CDH13: variants seen among roughly 807,000 people sequenced by gnomAD.
CDH13 encodes cadherin 13.
A neutral mutation model predicts 63.8 loss-of-function variants in CDH13; 24 were observed. The ratio of observed to expected loss-of-function variants is 0.38; its 90% CI spans 0.27 to 0.53. The LOEUF is 0.53. Among genes scored for constraint, CDH13 ranks in the 20% least tolerant of loss-of-function variants. CDH13 has a pLI of 0.85. For synonymous variants in CDH13, 503 were observed against 355.3 expected (o/e 1.42, Z -4.67); for missense variants, 1,049 against 903.1 (o/e 1.16, Z -2.07).
At chr16:83,550,807 T>C (rs1263256503) in intron 7 of CDH13, among the ~76,000 whole-genome samples, 1 of 152,168 alleles carries the variant, frequency 6.6e-6, no homozygotes, top group Admixed American at 6.5e-5. Flanking sequence ...CTGCCTTCCT[T>C]AGGCTGTTTT....
chr16:82,838,311 C>T (rs1282687055), intron 1 of CDH13, among the ~76,000 whole-genome samples: 1 of 152,192 alleles, frequency 6.6e-6, no homozygotes, highest in African/African-American at 2.4e-5. Flanking sequence ...GGCAGAAGAA[C>T]ATGCCCGTCC....
chr16:83,521,046 A>T (rs1017798521), intron 7 of CDH13, among the ~76,000 whole-genome samples: 5 of 152,104 alleles, frequency 3.3e-5, no homozygotes, highest in Admixed American at 2.6e-4. Context: ...TCTAATATAT[A>T]CTTCATGTGC....
At chr16:83,094,866 C>T (rs1203463460) in intron 3 of CDH13, among the ~76,000 whole-genome samples, 1 of 152,134 alleles carries the variant, frequency 6.6e-6, no homozygotes, top group Non-Finnish European at 1.5e-5. Flanking sequence ...TAGATACCTA[C>T]TTTTTAAGAT....
intron 6 of CDH13, among the ~76,000 whole-genome samples, chr16:83,457,774 C>T (rs4782796): frequency 0.52 from 79,381 of 151,860 alleles, 21,083 homozygotes; most frequent in East Asian, 0.82. Context: ...TGACCCACTC[C>T]GCATCCAAGA....
Position 83,678,290 on chromosome 16 carries a change from A to C in CDH13, c.1367A>C (p.Tyr456Ser), listed in dbSNP as rs1915130528. Residue 456 changes from tyrosine (Y) to serine (S), a missense_variant, in exon 10 of 14, where the codon TAC becomes TCC. Tyr to Ser is a moderately radical substitution (Grantham distance 144). Transcript: ENST00000567109. ...NEDPLVPDVS[Y>S]GPSSTATVHI... ...GACCCACTCGTACCCGACGTCTCCT[A>C]CGGCCCCAGCTCCACAGCCACCGTC... 1 of 1,613,810 alleles carries C rather than the reference A, an allele frequency of 6.2e-7. No individual in the cohort carries two copies. The highest frequency in any genetic ancestry group is 1.1e-5 in the South Asian group (1 of 91,084).
intron 5 of CDH13, among the ~76,000 whole-genome samples, chr16:83,254,973 T>TGCAGCTGA: frequency 5.2e-5 from 1 of 19,394 alleles, no homozygotes; most frequent in African/African-American, 1.1e-4. Context: ...CTTTCTTTCT[T>TGCAGCTGA]TCTTTCTTTC....
chr16:83,198,189 A>G (rs1048933928), intron 4 of CDH13, among the ~76,000 whole-genome samples: 1 of 152,060 alleles, frequency 6.6e-6, no homozygotes, highest in Non-Finnish European at 1.5e-5. Context: ...AAAAAAGCAA[A>G]CCTGGTTTTA....
chr16:83,540,868 G>T (rs1462180477), intron 7 of CDH13, among the ~76,000 whole-genome samples: 1 of 152,126 alleles, frequency 6.6e-6, no homozygotes, highest in Non-Finnish European at 1.5e-5. Flanking sequence ...AACCTCAAAT[G>T]ATCCGCCCGC....
chr16:83,491,646 A>G (rs180683652), intron 7 of CDH13, among the ~76,000 whole-genome samples: 96 of 151,702 alleles, frequency 6.3e-4, no homozygotes, highest in African/African-American at 2.2e-3. Flanking sequence ...ATTTGCATTG[A>G]GAAAGTATCA....
intron 6 of CDH13, among the ~76,000 whole-genome samples, chr16:83,469,462 G>T (rs2151536549): frequency 6.6e-6 from 1 of 152,230 alleles, no homozygotes; most frequent in South Asian, 2.1e-4. Context: ...ACATATTGAG[G>T]CTGGCCCCAC....
chr16:82,695,801 T>G (rs2150983376), intron 1 of CDH13, among the ~76,000 whole-genome samples: 1 of 152,360 alleles, frequency 6.6e-6, no homozygotes, highest in African/African-American at 2.4e-5. Context: ...TTGAGCTGAA[T>G]AACTTTTAGG....
chr16:83,291,609 A>G (rs1245569706), intron 5 of CDH13, among the ~76,000 whole-genome samples: 2 of 152,148 alleles, frequency 1.3e-5, no homozygotes, highest in African/African-American at 4.8e-5. Flanking sequence ...TTATTTCCAC[A>G]GAGACCAAGA....
At chr16:83,714,538 T>C (rs1284456964) in intron 10 of CDH13, among the ~76,000 whole-genome samples, 1 of 152,212 alleles carries the variant, frequency 6.6e-6, no homozygotes, top group Non-Finnish European at 1.5e-5. Context: ...AACCATGTGA[T>C]GCTTTCTACC....
intron 5 of CDH13, among the ~76,000 whole-genome samples, chr16:83,311,356 G>A (rs986451352): frequency 7.9e-5 from 12 of 152,028 alleles, no homozygotes; most frequent in African/African-American, 2.2e-4. Context: ...AGTAAAAGTC[G>A]TTATATTTTT....
chr16:83,761,314 A>C (rs982301313), intron 11 of CDH13, among the ~76,000 whole-genome samples: 9 of 152,234 alleles, frequency 5.9e-5, no homozygotes, highest in Non-Finnish European at 1.0e-4. Context: ...TGAGGAGGAA[A>C]AGACACGTTG....
chr16:83,748,368 G>T, intron 11 of CDH13, 118 bp downstream of exon 11: 1 of 849,224 alleles, frequency 1.2e-6, no homozygotes, highest in South Asian at 2.0e-5. Flanking sequence ...AAGTGTGTGG[G>T]AACAGCAAAG....
At chr16:83,486,391 A>T in intron 6 of CDH13, 86 bp from the exon 7 acceptor site, 1 of 1,106,820 alleles carries the variant, frequency 9.0e-7, no homozygotes, top group Non-Finnish European at 1.3e-6. Context: ...ACACTGCTGC[A>T]CTGCTATTGC....
chr16:83,069,440 A>G (rs1319942825), intron 3 of CDH13, among the ~76,000 whole-genome samples: 1 of 152,188 alleles, frequency 6.6e-6, no homozygotes, highest in African/African-American at 2.4e-5. Flanking sequence ...GCATTGTTTT[A>G]TGTGAACATT....
At chr16:82,928,164 A>ATGTGTGTGTGTG (rs5818417) in intron 2 of CDH13, among the ~76,000 whole-genome samples, 2 of 151,034 alleles carry the variant, frequency 1.3e-5, no homozygotes, top group African/African-American at 4.9e-5. Flanking sequence ...GCAGTCGTGT[A>ATGTGTGTGTGTG]TGTGTGTGTG....
Sources: gnomAD v4.1 joint callset for allele counts (sites outside exome capture counted in the v4.1 genomes callset) on GRCh38, gnomAD v4.1.1 for gene constraint, MANE v1.5 for transcripts, NCBI Gene and HGNC (gene_info 2026-07-23, HGNC 2026-07-21) for gene names.